Variants in TMTC2 observed in about 807,000 individuals in gnomAD.
The protein encoded by TMTC2 is transmembrane O-mannosyltransferase targeting cadherins 2.
A neutral mutation model predicts 82.4 loss-of-function variants in TMTC2; 43 were observed. The ratio of observed to expected loss-of-function variants is 0.52; its 90% confidence interval spans 0.41 to 0.67. The LOEUF (loss-of-function observed/expected upper bound fraction) is 0.67, where lower values mean the gene tolerates loss of function less well. TMTC2 is among the 30% of genes least tolerant of loss of function. TMTC2 has a pLI of 0.00. For missense variants in TMTC2, 919 were observed against 1,012.4 expected (o/e 0.91, Z 1.25); for synonymous variants, 408 against 381.9 (o/e 1.07, Z -0.80).
At chr12:83,061,947 T>C (rs1454336938) in intron 11 of TMTC2, 116 bp downstream of exon 11, 4 of 776,514 alleles carry the variant, frequency 5.2e-6, no homozygotes, top group Admixed American at 5.8e-5. Flanking sequence ...GTTTTGTTTT[T>C]TCTTTCTCCC....
At chr12:83,026,232 AG>A (rs954721366) in intron 8 of TMTC2, among the ~76,000 whole-genome samples, 1 of 152,184 alleles carries the variant, frequency 6.6e-6, no homozygotes, top group African/African-American at 2.4e-5. Flanking sequence ...GCTATGTATC[AG>A]GAAACTAGGG....
intron 1 of TMTC2, among the ~76,000 whole-genome samples, chr12:82,740,101 A>C (rs1875321381): frequency 1.3e-5 from 2 of 152,166 alleles, no homozygotes; most frequent in South Asian, 4.1e-4. Flanking sequence ...GGGAAAGTTT[A>C]TCCTCTGCTG....
intron 1 of TMTC2, among the ~76,000 whole-genome samples, chr12:82,807,649 G>C (rs1460933686): frequency 6.6e-6 from 1 of 152,064 alleles, no homozygotes; most frequent in African/African-American, 2.4e-5. Context: ...GGGCCAAATT[G>C]AATGAGGAAG....
chr12:83,106,347 A>G (rs1205617708), intron 11 of TMTC2, among the ~76,000 whole-genome samples: 1 of 152,058 alleles, frequency 6.6e-6, no homozygotes, highest in Non-Finnish European at 1.5e-5. Flanking sequence ...TAAAAATACA[A>G]AATTGGCTGG....
intron 8 of TMTC2, among the ~76,000 whole-genome samples, chr12:83,000,352 T>G (rs1213772617): frequency 6.6e-6 from 1 of 152,134 alleles, no homozygotes; most frequent in Non-Finnish European, 1.5e-5. Flanking sequence ...GCCAGGATGG[T>G]CTCGATCTCC....
At chr12:82,852,101 CTT>C (rs11301265) in intron 1 of TMTC2, among the ~76,000 whole-genome samples, 76 of 137,006 alleles carry the variant, frequency 5.5e-4, no homozygotes, top group South Asian at 1.8e-3. Flanking sequence ...CAGAAACTAT[CTT>C]TTTTTTTTTT....
At chr12:83,097,559 A>C (rs2137528654) in intron 11 of TMTC2, among the ~76,000 whole-genome samples, 1 of 152,358 alleles carries the variant, frequency 6.6e-6, no homozygotes, top group South Asian at 2.1e-4. Flanking sequence ...CCTAGGTGTT[A>C]GGAATGAGCA....
At chr12:82,796,609 A>G (rs17009995) in intron 1 of TMTC2, among the ~76,000 whole-genome samples, 17,574 of 152,136 alleles carry the variant, frequency 0.12, 1,400 homozygotes, top group East Asian at 0.3. Flanking sequence ...TTAGGGGAAA[A>G]GTATATATAT....
Position 82,895,951 on chromosome 12 carries a change from C to G in TMTC2, c.788C>G (p.Ser263Trp). ...AACTCGGACAACCCCGCTGCTGATT[C>G]GGACAGCCTCCTCACCCGCACTCTC... Reference protein sequence around the residue: ...FSNSDNPAADSDSLLTRTLTF... With the variant: ...FSNSDNPAADWDSLLTRTLTF... Residue 263 changes from serine (S) to tryptophan (W), a missense_variant, in exon 3 of 12, where the codon TCG (serine) becomes TGG (tryptophan). Transcript: ENST00000321196. The G allele has an allele frequency of 6.2e-7, 1 of 1,613,888 alleles. No individual in the cohort carries two copies. Among genetic ancestry groups the G allele is most frequent in the Non-Finnish European group, 8.5e-7 (1 of 1,179,996 alleles).
At position 83,132,467 on chromosome 12, in the gene TMTC2, T is replaced by C; in HGVS notation, c.*78T>C. ...CAGACAGAACTTCCCAGCAGTGCTA[T>C]GACAAGAGCTGGTGTTAGACTTCAA... On this transcript the variant is annotated 3_prime_UTR_variant, in exon 12 of 12. Coordinates refer to ENST00000321196, the MANE Select transcript of TMTC2 (RefSeq NM_152588.3). 1 of 1,504,516 alleles carries C rather than the reference T, an allele frequency of 6.6e-7. No individual in the cohort carries two copies. Among genetic ancestry groups the C allele is most frequent in the Non-Finnish European group, 9.1e-7 (1 of 1,102,666 alleles). 93.2% of individuals were successfully genotyped at this position (1,504,516 alleles called of 1,614,324 possible).
chr12:82,909,158 G>C lies in TMTC2; in HGVS notation c.1483+12512G>C, dbSNP rs185990940. Reference sequence around the variant, plus strand: ...TTTAAATTTTTTTGTTGCTAGTTAAGTGATGAAGTCTGTTTCCTTTCAGGC... The same window carrying C: ...TTTAAATTTTTTTGTTGCTAGTTAACTGATGAAGTCTGTTTCCTTTCAGGC... On this transcript the variant is annotated intron_variant, in intron 3 of 11. Transcript: ENST00000321196. Among the ~76,000 whole-genome samples the C allele has an allele frequency of 5.3e-3, 814 of 152,242 alleles. 3 individuals carry two copies. Among genetic ancestry groups the C allele is most frequent in the Non-Finnish European group, 8.1e-3 (553 of 68,022 alleles).
At chr12:82,773,541 G>A (rs1877426109) in intron 1 of TMTC2, among the ~76,000 whole-genome samples, 2 of 150,970 alleles carry the variant, frequency 1.3e-5, no homozygotes, top group Admixed American at 6.6e-5. Context: ...GCTCACTGCA[G>A]CCTCTGCCTC....
chr12:82,840,688 C>T (rs1450500506), intron 1 of TMTC2, among the ~76,000 whole-genome samples: 4 of 152,168 alleles, frequency 2.6e-5, no homozygotes, highest in East Asian at 1.9e-4. Flanking sequence ...AAAGGCACTG[C>T]GCGTATACAC....
intron 1 of TMTC2, among the ~76,000 whole-genome samples, chr12:82,723,361 G>GT: frequency 6.6e-6 from 1 of 152,218 alleles, no homozygotes; most frequent in South Asian, 2.1e-4. Flanking sequence ...GTTAGTTATG[G>GT]TTATGCAAGG....
At chr12:82,844,812 A>AAG (rs1403162222) in intron 1 of TMTC2, among the ~76,000 whole-genome samples, 1 of 151,898 alleles carries the variant, frequency 6.6e-6, no homozygotes, top group African/African-American at 2.4e-5. Context: ...AAAAAAAAAA[A>AAG]AGAATCTAGT....
intron 4 of TMTC2, among the ~76,000 whole-genome samples, chr12:82,954,941 T>C (rs1056207504): frequency 6.6e-6 from 1 of 152,252 alleles, no homozygotes; most frequent in African/African-American, 2.4e-5. Context: ...GTTAGACTTT[T>C]TAATGAAAAA....
At chr12:82,703,335 T>G (rs1873173415) in intron 1 of TMTC2, among the ~76,000 whole-genome samples, 1 of 152,130 alleles carries the variant, frequency 6.6e-6, no homozygotes, top group Non-Finnish European at 1.5e-5. Flanking sequence ...TTTGGTGATA[T>G]TGAGAGAAGT....
intron 11 of TMTC2, among the ~76,000 whole-genome samples, chr12:83,115,906 G>A (rs1020290109): frequency 1.3e-5 from 2 of 152,190 alleles, no homozygotes; most frequent in Non-Finnish European, 1.5e-5. Context: ...CCCTGCCTCA[G>A]CCTCCGTAGT....
intron 8 of TMTC2, among the ~76,000 whole-genome samples, chr12:82,992,316 C>A (rs1190562158): frequency 6.6e-6 from 1 of 152,170 alleles, no homozygotes; most frequent in Admixed American, 6.5e-5. Flanking sequence ...ATTTTGGAAG[C>A]TGACCAATAT....
Sources: gnomAD v4.1 joint callset for allele counts (sites outside exome capture counted in the v4.1 genomes callset) on GRCh38, gnomAD v4.1.1 for gene constraint, MANE v1.5 for transcripts, NCBI Gene and HGNC (gene_info 2026-07-23, HGNC 2026-07-21) for gene names.